Variants in HDAC9 observed in about 807,000 individuals in gnomAD.
HDAC9 encodes MEF-2 interacting transcription repressor (MITR) protein.
In HDAC9, 41 loss-of-function variants were observed where a neutral mutation model predicts 139.4. That is an observed-to-expected ratio of 0.29 (90% CI 0.23 to 0.38). HDAC9 has a LOEUF of 0.38. Among genes scored for constraint, HDAC9 ranks in the 10% least tolerant of loss-of-function variants. HDAC9 has a pLI of 1.00. For missense variants in HDAC9, 1,147 were observed against 1,297.0 expected (o/e 0.88, Z 1.78); for synonymous variants, 517 against 476.2 (o/e 1.09, Z -1.12).
intron 1 of HDAC9, among the ~76,000 whole-genome samples, chr7:18,146,912 A>G (rs1315254203): frequency 6.6e-6 from 1 of 152,194 alleles, no homozygotes; most frequent in African/African-American, 2.4e-5. Context: ...AAAGAGAAAA[A>G]TAGGAATTGC....
intron 1 of HDAC9, among the ~76,000 whole-genome samples, chr7:18,157,352 G>C (rs534333072): frequency 6.6e-6 from 1 of 152,224 alleles, no homozygotes; most frequent in African/African-American, 2.4e-5. Context: ...ATACATGAGG[G>C]AAAGAAGGAA....
At chr7:18,211,092 A>T (rs1436602403) in intron 2 of HDAC9, among the ~76,000 whole-genome samples, 1 of 152,230 alleles carries the variant, frequency 6.6e-6, no homozygotes, top group African/African-American at 2.4e-5. Flanking sequence ...CTGTGGAATG[A>T]GAATGCCTAA....
chr7:18,541,577 T>C (rs1812975565), intron 2 of HDAC9, among the ~76,000 whole-genome samples: 1 of 152,330 alleles, frequency 6.6e-6, no homozygotes, highest in East Asian at 1.9e-4. Flanking sequence ...AACGATCTTA[T>C]TTGCTTGCAA....
intron 15 of HDAC9, among the ~76,000 whole-genome samples, chr7:18,765,306 A>AT (rs1283304016): frequency 1.3e-5 from 2 of 152,038 alleles, no homozygotes; most frequent in South Asian, 2.1e-4. Context: ...GGGGTTAATA[A>AT]TTTTTTTCAA....
intron 11 of HDAC9, 64 bp from the exon 12 acceptor site, chr7:18,666,149 T>C: frequency 6.8e-7 from 1 of 1,464,448 alleles, no homozygotes; most frequent in Non-Finnish European, 9.2e-7. Flanking sequence ...AATCAAAGTG[T>C]AATTTGCTTC....
At chr7:18,649,166 G>T (rs1008130187) in intron 11 of HDAC9, among the ~76,000 whole-genome samples, 1 of 152,122 alleles carries the variant, frequency 6.6e-6, no homozygotes, top group Non-Finnish European at 1.5e-5. Flanking sequence ...GTTTGGAGTA[G>T]TTTCTCGGAA....
At chr7:18,925,963 C>G (rs2129300713) in intron 22 of HDAC9, among the ~76,000 whole-genome samples, 1 of 152,120 alleles carries the variant, frequency 6.6e-6, no homozygotes, top group South Asian at 2.1e-4. Context: ...GCCTTAGTTT[C>G]CTCATCCACT....
At chr7:18,272,811 T>A (rs1490759690) in intron 2 of HDAC9, among the ~76,000 whole-genome samples, 1 of 152,010 alleles carries the variant, frequency 6.6e-6, no homozygotes, top group East Asian at 1.9e-4. Flanking sequence ...GACAAGCTAA[T>A]TCTCAGATTT....
intron 2 of HDAC9, among the ~76,000 whole-genome samples, chr7:18,524,532 A>G (rs937979973): frequency 2.2e-4 from 33 of 152,208 alleles, no homozygotes; most frequent in African/African-American, 6.8e-4. Context: ...TCAGGATAGC[A>G]ACATATTATG....
intron 13 of HDAC9, among the ~76,000 whole-genome samples, chr7:18,735,970 C>T (rs932563328): frequency 6.6e-6 from 1 of 152,132 alleles, no homozygotes; most frequent in Non-Finnish European, 1.5e-5. Flanking sequence ...AGTTGTATTT[C>T]TAGGTATTTT....
intron 1 of HDAC9, among the ~76,000 whole-genome samples, chr7:18,356,480 G>C (rs542942125): frequency 1.3e-5 from 2 of 148,956 alleles, no homozygotes; most frequent in South Asian, 4.3e-4. Context: ...CCTCACAGTG[G>C]AGGACCTTCC....
At chr7:18,882,693 A>G (rs1166771991) in intron 22 of HDAC9, among the ~76,000 whole-genome samples, 2 of 151,922 alleles carry the variant, frequency 1.3e-5, no homozygotes, top group African/African-American at 4.8e-5. Flanking sequence ...TTTTACCTAC[A>G]ACCTATGTAA....
At chr7:18,186,015 T>C (rs1789885921) in intron 2 of HDAC9, among the ~76,000 whole-genome samples, 2 of 152,260 alleles carry the variant, frequency 1.3e-5, no homozygotes. Flanking sequence ...GTGTATTAAG[T>C]ACTTTATATG....
At chr7:18,228,889 C>T (rs552526956) in intron 2 of HDAC9, among the ~76,000 whole-genome samples, 48 of 152,236 alleles carry the variant, frequency 3.2e-4, no homozygotes, top group Admixed American at 2.7e-3. Context: ...AGAATACAGT[C>T]GTGTGAGCCT....
chr7:18,728,812 A>T (rs1785780945), intron 13 of HDAC9, among the ~76,000 whole-genome samples: 1 of 152,244 alleles, frequency 6.6e-6, no homozygotes, highest in Non-Finnish European at 1.5e-5. Context: ...TAATGAATGA[A>T]ATAGCCAAGT....
At chr7:18,339,759 A>G (rs1048697668) in intron 1 of HDAC9, among the ~76,000 whole-genome samples, 2 of 151,476 alleles carry the variant, frequency 1.3e-5, no homozygotes, top group African/African-American at 4.8e-5. Context: ...CATAACTTCT[A>G]TGACATTAAT....
intron 2 of HDAC9, among the ~76,000 whole-genome samples, chr7:18,498,788 C>A (rs538148174): frequency 6.6e-6 from 1 of 152,000 alleles, no homozygotes; most frequent in Non-Finnish European, 1.5e-5. Context: ...TGCCTCTTAG[C>A]ATTCTTGTGA....
Position 18,902,811 on chromosome 7 carries a change from C to T in HDAC9, c.2803+28215C>T, listed in dbSNP as rs61660485. Among the ~76,000 whole-genome samples, 1,143 of 152,270 alleles carry T rather than the reference C, an allele frequency of 7.5e-3. 21 individuals carry two copies. The highest frequency in any genetic ancestry group is 0.025 in the African/African-American group (1,038 of 41,546). On this transcript the variant is annotated intron_variant, in intron 22 of 25. Transcript: ENST00000686413. ...GAAAAGTTTGGAAAAAGAAATTTCA[C>T]ACTATTTATAAGTGAAATATGTCTC...
chr7:18,217,152 C>G (rs1407930142), intron 2 of HDAC9, among the ~76,000 whole-genome samples: 1 of 152,112 alleles, frequency 6.6e-6, no homozygotes, highest in Non-Finnish European at 1.5e-5. Context: ...ATATTCTACT[C>G]AGCTGGGATG....
Sources: allele counts gnomAD v4.1 joint callset (sites outside exome capture counted in the v4.1 genomes callset), GRCh38; gene constraint gnomAD v4.1.1; transcripts MANE v1.5; gene names NCBI Gene and HGNC (gene_info 2026-07-23, HGNC 2026-07-21).